The following ATRNL1 variants were observed in gnomAD, a reference collection of about 807,000 sequenced individuals.
ATRNL1 encodes the protein attractin like 1, also known as attractin-like protein 1.
In ATRNL1, 95 loss-of-function variants were observed where a neutral mutation model predicts 182.7. That is an observed-to-expected ratio of 0.52 (90% CI 0.44 to 0.62). The LOEUF (loss-of-function observed/expected upper bound fraction) is 0.62. Among genes scored for constraint, ATRNL1 ranks in the 20% least tolerant of loss-of-function variants. The pLI is 0.00. For missense variants in ATRNL1, 1,471 were observed against 1,679.5 expected, an observed-to-expected ratio of 0.88 and a Z score of 2.17; for synonymous variants, 576 against 568.3, an observed-to-expected ratio of 1.01 and a Z score of -0.19.
At chr10:115,675,320 C>T (rs1593049066) in intron 26 of ATRNL1, among the ~76,000 whole-genome samples, 4 of 151,954 alleles carry the variant, frequency 2.6e-5, no homozygotes, top group Middle Eastern at 3.2e-3. Context: ...TATGATTGTG[C>T]GACTGCACAC....
chr10:115,933,184 G>A (rs910081666), intron 28 of ATRNL1, among the ~76,000 whole-genome samples: 27 of 152,246 alleles, frequency 1.8e-4, no homozygotes, highest in Non-Finnish European at 2.8e-4. Context: ...GCTGTTCAGA[G>A]ATTGCTAGAC....
chr10:115,519,390 C>A, intron 25 of ATRNL1, 66 bp downstream of exon 25: 1 of 1,314,812 alleles, frequency 7.6e-7, no homozygotes, highest in Non-Finnish European at 1.1e-6. Flanking sequence ...TCCTGTCAAT[C>A]TGTTAGATAA....
chr10:115,606,071 C>A (rs1222248615), intron 26 of ATRNL1, among the ~76,000 whole-genome samples: 1 of 151,776 alleles, frequency 6.6e-6, no homozygotes, highest in Non-Finnish European at 1.5e-5. Flanking sequence ...GTATCAAAAG[C>A]CTAAGATTCA....
At chr10:115,365,780 C>G (rs2134173646) in intron 19 of ATRNL1, among the ~76,000 whole-genome samples, 1 of 152,182 alleles carries the variant, frequency 6.6e-6, no homozygotes, top group South Asian at 2.1e-4. Context: ...CGTTATGTAT[C>G]CAGTAGTCAT....
At chr10:115,527,908 CT>C (rs1554987019) in intron 25 of ATRNL1, among the ~76,000 whole-genome samples, 18 of 89,234 alleles carry the variant, frequency 2.0e-4, no homozygotes, top group Non-Finnish European at 3.8e-4. Flanking sequence ...TCCTTCCTTC[CT>C]TCCTTCCTCC....
At chr10:115,804,392 G>C (rs782340789) in intron 27 of ATRNL1, among the ~76,000 whole-genome samples, 1 of 152,166 alleles carries the variant, frequency 6.6e-6, no homozygotes, top group South Asian at 2.1e-4. Context: ...CTGGGAGGTG[G>C]TTAGGTCATG....
chr10:115,778,756 T>C (rs2134183725), intron 27 of ATRNL1, among the ~76,000 whole-genome samples: 1 of 152,296 alleles, frequency 6.6e-6, no homozygotes, highest in Middle Eastern at 3.4e-3. Context: ...GAGAGCTTTT[T>C]GGTTTTTATT....
intron 28 of ATRNL1, among the ~76,000 whole-genome samples, chr10:115,935,135 C>T (rs974319126): frequency 6.6e-6 from 1 of 152,154 alleles, no homozygotes; most frequent in Non-Finnish European, 1.5e-5. Context: ...GGCATCTGCA[C>T]AATTGTTAGC....
chr10:115,371,884 C>T (rs782771993), intron 19 of ATRNL1, among the ~76,000 whole-genome samples: 2 of 152,106 alleles, frequency 1.3e-5, no homozygotes, highest in South Asian at 4.1e-4. Flanking sequence ...CCGTAATTCC[C>T]ATGTGTTGTG....
intron 26 of ATRNL1, among the ~76,000 whole-genome samples, chr10:115,622,970 C>T (rs1555023520): frequency 6.6e-6 from 1 of 151,980 alleles, no homozygotes; most frequent in African/African-American, 2.4e-5. Context: ...GATAGAAAAT[C>T]TTCACTGCTA....
intron 26 of ATRNL1, among the ~76,000 whole-genome samples, chr10:115,670,633 T>C (rs1252511404): frequency 6.6e-6 from 1 of 152,140 alleles, no homozygotes; most frequent in African/African-American, 2.4e-5. Context: ...GTGGATGCCA[T>C]ATACATGTTA....
intron 27 of ATRNL1, among the ~76,000 whole-genome samples, chr10:115,788,696 A>T (rs10787599): frequency 0.45 from 69,136 of 152,082 alleles, 17,585 homozygotes; most frequent in East Asian, 0.75. Flanking sequence ...CTGGGCAGAA[A>T]ACCAGTCCCT....
chr10:115,846,590 G>A (rs940548494), intron 27 of ATRNL1, among the ~76,000 whole-genome samples: 2 of 151,984 alleles, frequency 1.3e-5, no homozygotes, highest in East Asian at 3.9e-4. Flanking sequence ...TATCAACCAT[G>A]TCTCTTCTAT....
At chr10:115,536,625 G>C (rs1462454664) in intron 25 of ATRNL1, among the ~76,000 whole-genome samples, 1 of 152,120 alleles carries the variant, frequency 6.6e-6, no homozygotes, top group Non-Finnish European at 1.5e-5. Flanking sequence ...CCACTGTCCT[G>C]CGCCCACTGT....
chr10:115,936,267 T>C (rs1047764239), intron 28 of ATRNL1, among the ~76,000 whole-genome samples: 1 of 152,246 alleles, frequency 6.6e-6, no homozygotes, highest in African/African-American at 2.4e-5. Context: ...AGGCGTTTTT[T>C]AAGCCCTTTA....
chr10:115,225,559 GA>G (rs1331977032), intron 9 of ATRNL1, among the ~76,000 whole-genome samples: 4 of 149,302 alleles, frequency 2.7e-5, no homozygotes, highest in African/African-American at 9.8e-5. Flanking sequence ...AATTAATCCA[GA>G]GTAATTCTGT....
intron 28 of ATRNL1, among the ~76,000 whole-genome samples, chr10:115,856,664 C>T (rs529188336): frequency 6.6e-6 from 1 of 152,024 alleles, no homozygotes; most frequent in Admixed American, 6.6e-5. Context: ...TACATTCTCA[C>T]AAAGAGTTTG....
chr10:115,644,301 T>G (rs1224109695), intron 26 of ATRNL1, among the ~76,000 whole-genome samples: 1 of 152,170 alleles, frequency 6.6e-6, no homozygotes, highest in Admixed American at 6.6e-5. Flanking sequence ...TACTCTTTAA[T>G]CTGTGTGTTC....
chr10:115,371,554 T>TG (rs1183164545), intron 19 of ATRNL1, among the ~76,000 whole-genome samples: 6 of 152,232 alleles, frequency 3.9e-5, no homozygotes, highest in African/African-American at 1.2e-4. Context: ...TGGAGTTACA[T>TG]GGGGCCTGTA....
Sources: allele counts gnomAD v4.1 joint callset (sites outside exome capture counted in the v4.1 genomes callset), GRCh38; gene constraint gnomAD v4.1.1; transcripts MANE v1.5; gene names NCBI Gene and HGNC (gene_info 2026-07-23, HGNC 2026-07-21).